CNTN5: variants seen among roughly 807,000 people sequenced by gnomAD.
The protein encoded by CNTN5 is contactin-5.
Under a neutral mutation model 129.1 loss-of-function variants are expected in CNTN5, and 77 were observed. The observed-to-expected ratio is 0.60, with a 90% CI of 0.50 to 0.72. The LOEUF is 0.72. Ranked by LOEUF, CNTN5 falls within the 30% of genes least tolerant of loss-of-function variation. CNTN5 has a pLI of 0.00. For missense variants in CNTN5, 1,478 were observed against 1,328.8 expected (o/e 1.11, Z -1.75); for synonymous variants, 509 against 465.6 (o/e 1.09, Z -1.20).
chr11:99,944,647 T>C (rs1950515961), intron 7 of CNTN5, among the ~76,000 whole-genome samples: 1 of 152,098 alleles, frequency 6.6e-6, no homozygotes, highest in South Asian at 2.1e-4. Context: ...CTTAAGCTGA[T>C]AAACAACTTC....
chr11:99,240,824 T>C (rs1389612481), intron 1 of CNTN5, among the ~76,000 whole-genome samples: 1 of 152,146 alleles, frequency 6.6e-6, no homozygotes, highest in Admixed American at 6.5e-5. Context: ...AAGATTCTAT[T>C]TGGATTTAGA....
At chr11:100,140,281 A>G (rs1359817668) in intron 13 of CNTN5, among the ~76,000 whole-genome samples, 1 of 152,188 alleles carries the variant, frequency 6.6e-6, no homozygotes, top group African/African-American at 2.4e-5. Flanking sequence ...GTTTAACTGT[A>G]TGGGTGCAGG....
At chr11:99,226,509 T>C (rs1260830090) in intron 1 of CNTN5, among the ~76,000 whole-genome samples, 1 of 152,162 alleles carries the variant, frequency 6.6e-6, no homozygotes, top group Non-Finnish European at 1.5e-5. Context: ...TGTACTGTCT[T>C]TCCCTTACAT....
Position 99,028,132 on chromosome 11 carries a change from T to C in CNTN5, c.-210+6862T>C, listed in dbSNP as rs550860954. On this transcript the variant is annotated intron_variant, in intron 1 of 24. Coordinates refer to ENST00000524871, the MANE Select transcript of CNTN5 (RefSeq NM_014361.4). ...AGTAATCTTAGTAAGAAGGAGTAGT[T>C]ATCTGAGATTGAAGTTAAGTGATCC... is the stretch of plus-strand genomic sequence containing the variant. Among the ~76,000 whole-genome samples, 286 of 151,954 alleles carry C rather than the reference T, an allele frequency of 1.9e-3. 1 individual carries two copies. Among genetic ancestry groups the C allele is most frequent in the African/African-American group, 6.7e-3 (279 of 41,536 alleles).
chr11:99,819,807 G>A, intron 4 of CNTN5, 42 bp downstream of exon 4: 1 of 667,862 alleles, frequency 1.5e-6, no homozygotes, highest in Non-Finnish European at 1.8e-6. Context: ...AATAAAGGAG[G>A]CAAAGAAGAC....
intron 3 of CNTN5, among the ~76,000 whole-genome samples, chr11:99,712,947 T>C (rs35700694): frequency 1.3e-5 from 2 of 152,172 alleles, no homozygotes; most frequent in Admixed American, 6.5e-5. Context: ...CTTAGGATTG[T>C]CTTGGCTAGG....
chr11:100,272,511 A>G (rs895658667), intron 18 of CNTN5, among the ~76,000 whole-genome samples: 1 of 151,612 alleles, frequency 6.6e-6, no homozygotes, highest in Non-Finnish European at 1.5e-5. Context: ...AAGGAAGGAG[A>G]ATGGAGGAAG....
intron 2 of CNTN5, among the ~76,000 whole-genome samples, chr11:99,350,878 C>T (rs1938251224): frequency 6.6e-6 from 1 of 151,896 alleles, no homozygotes; most frequent in Non-Finnish European, 1.5e-5. Context: ...TTGAAAATCC[C>T]AGCAGAAATG....
chr11:99,739,256 G>A (rs1512122), intron 3 of CNTN5, among the ~76,000 whole-genome samples: 29,211 of 151,978 alleles, frequency 0.19, 3,132 homozygotes, highest in African/African-American at 0.29. Context: ...CAAGTTGCCC[G>A]TCTTAAAATA....
chr11:99,285,835 C>G (rs865819400), intron 1 of CNTN5, among the ~76,000 whole-genome samples: 8 of 151,870 alleles, frequency 5.3e-5, no homozygotes, highest in Admixed American at 1.3e-4. Context: ...TTCAGGACTT[C>G]GAGACCAGCC....
At chr11:99,644,270 G>C (rs1019573662) in intron 3 of CNTN5, among the ~76,000 whole-genome samples, 2 of 152,134 alleles carry the variant, frequency 1.3e-5, no homozygotes, top group African/African-American at 4.8e-5. Flanking sequence ...TTGAGTTCCA[G>C]TTGAGCACTT....
At chr11:99,715,482 G>A (rs896739478) in intron 3 of CNTN5, among the ~76,000 whole-genome samples, 22 of 151,344 alleles carry the variant, frequency 1.5e-4, no homozygotes, top group African/African-American at 4.4e-4. Flanking sequence ...TTCAACATTC[G>A]AGCAGGCCAT....
rs146782721 is a variant in CNTN5, at chr11:99,960,868, A to G, written c.877+3859A>G. ...GTAAATAATGAAAATCCCACAAAAAATAATGAGGAGAAGGTAGAGAGATAA... is the reference window on the plus strand; with the variant it reads ...GTAAATAATGAAAATCCCACAAAAAGTAATGAGGAGAAGGTAGAGAGATAA... On this transcript the variant is annotated intron_variant, in intron 8 of 24. Coordinates refer to ENST00000524871, the MANE Select transcript of CNTN5 (RefSeq NM_014361.4). Among the ~76,000 whole-genome samples the G allele has an allele frequency of 1.1e-3, 175 of 152,252 alleles. 1 individual carries two copies. In the East Asian group the frequency reaches 0.024, roughly 20 times the overall value.
At chr11:100,075,926 C>T (rs1465071493) in intron 13 of CNTN5, among the ~76,000 whole-genome samples, 5 of 151,992 alleles carry the variant, frequency 3.3e-5, no homozygotes, top group Non-Finnish European at 7.4e-5. Flanking sequence ...GTACTCTGTG[C>T]CATATTCTGG....
chr11:99,831,466 C>T (rs1028150982), intron 4 of CNTN5, among the ~76,000 whole-genome samples: 2 of 152,168 alleles, frequency 1.3e-5, no homozygotes, highest in Non-Finnish European at 2.9e-5. Context: ...GAATTTGGCC[C>T]TTTCTGTTGA....
At chr11:99,989,626 G>A (rs1009550312) in intron 8 of CNTN5, among the ~76,000 whole-genome samples, 9 of 151,970 alleles carry the variant, frequency 5.9e-5, no homozygotes, top group Non-Finnish European at 1.2e-4. Flanking sequence ...TTACATGCAT[G>A]TAATTACAGA....
intron 6 of CNTN5, among the ~76,000 whole-genome samples, chr11:99,880,766 T>A (rs1591358006): frequency 6.6e-6 from 1 of 152,224 alleles, no homozygotes; most frequent in Non-Finnish European, 1.5e-5. Context: ...GATATTATTA[T>A]ACAACAGTAG....
At chr11:100,079,303 T>C (rs971957662) in intron 13 of CNTN5, among the ~76,000 whole-genome samples, 1 of 152,188 alleles carries the variant, frequency 6.6e-6, no homozygotes, top group Non-Finnish European at 1.5e-5. Context: ...CTTACCATTC[T>C]CCTTTCTTTC....
rs78179800 is a variant in CNTN5 at position 100,236,135 on chromosome 11, C to T, written c.2005+11323C>T. Among the ~76,000 whole-genome samples, 664 of 152,294 alleles carry T rather than the reference C, an allele frequency of 4.4e-3. 19 individuals carry two copies. In the East Asian group the frequency reaches 0.057, roughly 13 times the overall value. ...ATTTTTCCCTGTTCAGGGAACATCA[C>T]GTGCACGGATGATCAAAGGTCAATT... is the stretch of plus-strand genomic sequence containing the variant. On this transcript the variant is annotated intron_variant, in intron 16 of 24. Transcript: ENST00000524871.
Sources: allele counts gnomAD v4.1 joint callset (sites outside exome capture counted in the v4.1 genomes callset), GRCh38; gene constraint gnomAD v4.1.1; transcripts MANE v1.5; gene names NCBI Gene and HGNC (gene_info 2026-07-23, HGNC 2026-07-21).